KCNH5: variants seen among roughly 807,000 people sequenced by gnomAD.
The protein encoded by KCNH5 is voltage-gated delayed rectifier potassium channel KCNH5.
In KCNH5, 46 loss-of-function variants were observed where a neutral mutation model predicts 96.1. The observed-to-expected ratio is 0.48, with a 90% CI of 0.38 to 0.61. The LOEUF is 0.61. Among genes scored for constraint, KCNH5 ranks in the 20% least tolerant of loss-of-function variants. The probability of loss-of-function intolerance (pLI) is 0.00; values close to 1 mark genes in which losing one functional copy is unlikely to be tolerated. For missense variants in KCNH5, 907 were observed against 1,225.8 expected, an observed-to-expected ratio of 0.74 and a Z score of 3.88; for synonymous variants, 439 against 449.8, an observed-to-expected ratio of 0.98 and a Z score of 0.30.
At chr14:62,709,060 C>G (rs1012816373) in intron 10 of KCNH5, among the ~76,000 whole-genome samples, 5 of 150,958 alleles carry the variant, frequency 3.3e-5, no homozygotes, top group South Asian at 4.2e-4. Flanking sequence ...GGTGAAACCC[C>G]GTCTCTACTA....
chr14:62,951,431 G>A (rs1046365623), intron 6 of KCNH5, among the ~76,000 whole-genome samples: 2 of 152,138 alleles, frequency 1.3e-5, no homozygotes, highest in African/African-American at 4.8e-5. Flanking sequence ...AAAATAGGCA[G>A]GGAGGGAAAA....
At chr14:62,850,763 C>G (rs1311293885) in intron 7 of KCNH5, among the ~76,000 whole-genome samples, 1 of 152,144 alleles carries the variant, frequency 6.6e-6, no homozygotes, top group Admixed American at 6.6e-5. Flanking sequence ...CGCAACTTCC[C>G]TGCCCCTCTG....
At chr14:63,030,126 G>T (rs948534871) in intron 1 of KCNH5, among the ~76,000 whole-genome samples, 7 of 152,282 alleles carry the variant, frequency 4.6e-5, no homozygotes, top group African/African-American at 1.4e-4. Flanking sequence ...GTTCTGGTTT[G>T]TCCTCACAGC....
At position 62,981,065 on chromosome 14, in the gene KCNH5, A is replaced by G. The variant is rs1402952963; in HGVS notation, c.749T>C (p.Leu250Pro). The change falls in exon 6 of 11, where the codon CTG (leucine) becomes CCG (proline). Residue 250 changes from leucine to proline, a missense_variant. Physicochemically the swap from Leu to Pro is moderately conservative, Grantham distance 98 (BLOSUM62 -3). Transcript: ENST00000322893. ...TKQNNIAWLV[L>P]DSVVDVIFLV... is the part of the protein sequence containing the mutation. Reference sequence around the variant, plus strand: ...AAAAATAACGTCCACCACACTATCCAGTACCAGCCAGGCTATGTTGTTCTG... The same window carrying G: ...AAAAATAACGTCCACCACACTATCCGGTACCAGCCAGGCTATGTTGTTCTG... 1.2e-6 allele frequency: 2 copies of G among 1,614,114 alleles called. No individual in the cohort carries two copies. Among genetic ancestry groups the G allele is most frequent in the Admixed American group, 1.7e-5 (1 of 60,002 alleles).
intron 1 of KCNH5, among the ~76,000 whole-genome samples, chr14:63,043,003 G>C (rs1891854770): frequency 6.6e-6 from 1 of 152,080 alleles, no homozygotes. Context: ...ACTTGGTATT[G>C]TCCAGGAAAG....
At chr14:62,745,489 T>A (rs1885357411) in intron 10 of KCNH5, among the ~76,000 whole-genome samples, 1 of 152,156 alleles carries the variant, frequency 6.6e-6, no homozygotes, top group African/African-American at 2.4e-5. Flanking sequence ...TGTCAACAAG[T>A]ATAATATAGA....
intron 10 of KCNH5, among the ~76,000 whole-genome samples, chr14:62,771,226 T>C (rs181545749): frequency 2.2e-4 from 34 of 152,308 alleles, no homozygotes; most frequent in African/African-American, 7.9e-4. Context: ...GTCTATGGTA[T>C]TTTGTGATAG....
At chr14:62,847,291 G>C (rs974987592) in intron 8 of KCNH5, among the ~76,000 whole-genome samples, 2 of 151,652 alleles carry the variant, frequency 1.3e-5, no homozygotes, top group African/African-American at 4.8e-5. Flanking sequence ...CTCTTGTTTA[G>C]TATAGCATAT....
chr14:62,979,396 A>G (rs1346485939), intron 6 of KCNH5, among the ~76,000 whole-genome samples: 1 of 152,132 alleles, frequency 6.6e-6, no homozygotes. Flanking sequence ...TACATACACA[A>G]TATCAAAATA....
intron 6 of KCNH5, among the ~76,000 whole-genome samples, chr14:62,966,808 T>C (rs577316261): frequency 2.0e-5 from 3 of 152,340 alleles, no homozygotes; most frequent in South Asian, 2.1e-4. Context: ...ATCATATTCT[T>C]GAACTTTACC....
intron 7 of KCNH5, among the ~76,000 whole-genome samples, chr14:62,854,772 A>C (rs550615428): frequency 6.6e-6 from 1 of 151,962 alleles, no homozygotes; most frequent in South Asian, 2.1e-4. Flanking sequence ...TCTGGCATAC[A>C]TACCAGCAAA....
intron 8 of KCNH5, among the ~76,000 whole-genome samples, chr14:62,806,986 A>G (rs973378189): frequency 1.3e-5 from 2 of 152,156 alleles, no homozygotes; most frequent in Admixed American, 1.3e-4. Context: ...ATTGCTGGAA[A>G]AGATCCCTTT....
intron 2 of KCNH5, among the ~76,000 whole-genome samples, chr14:63,016,061 G>GA (rs56902534): frequency 0.056 from 7,886 of 140,920 alleles, 234 homozygotes; most frequent in East Asian, 0.084. Flanking sequence ...ATTTGGCCTA[G>GA]AAAAAAAAAA....
At chr14:62,999,788 C>T (rs1436493024) in intron 4 of KCNH5, among the ~76,000 whole-genome samples, 1 of 147,068 alleles carries the variant, frequency 6.8e-6, no homozygotes, top group Non-Finnish European at 1.5e-5. Context: ...GGGTGCAGCA[C>T]ACCAGAATGG....
At chr14:63,008,125 A>C (rs1891160044) in intron 2 of KCNH5, among the ~76,000 whole-genome samples, 1 of 152,154 alleles carries the variant, frequency 6.6e-6, no homozygotes, top group African/African-American at 2.4e-5. Context: ...GAAAGATCAA[A>C]AGTCTGTCTT....
At chr14:62,851,719 C>T (rs560511038) in intron 7 of KCNH5, among the ~76,000 whole-genome samples, 11 of 151,962 alleles carry the variant, frequency 7.2e-5, no homozygotes, top group South Asian at 4.2e-4. Context: ...GCTGCAATTA[C>T]GATTTTTAGT....
At chr14:62,824,608 ATTACT>A (rs1441825717) in intron 8 of KCNH5, among the ~76,000 whole-genome samples, 1 of 152,040 alleles carries the variant, frequency 6.6e-6, no homozygotes, top group African/African-American at 2.4e-5. Context: ...TTTTATGATT[ATTACT>A]TTATTCTTTT....
At chr14:62,796,189 A>G (rs1262403223) in intron 9 of KCNH5, among the ~76,000 whole-genome samples, 1 of 152,188 alleles carries the variant, frequency 6.6e-6, no homozygotes, top group Non-Finnish European at 1.5e-5. Flanking sequence ...TTGTGGTGGC[A>G]GCGAAACATT....
At chr14:62,879,051 G>A (rs1246101496) in intron 7 of KCNH5, among the ~76,000 whole-genome samples, 1 of 152,064 alleles carries the variant, frequency 6.6e-6, no homozygotes, top group Non-Finnish European at 1.5e-5. Context: ...TACAATACTA[G>A]TCAGCCCAAA....
Sources: allele counts gnomAD v4.1 joint callset (sites outside exome capture counted in the v4.1 genomes callset), GRCh38; gene constraint gnomAD v4.1.1; transcripts MANE v1.5; gene names NCBI Gene and HGNC (gene_info 2026-07-23, HGNC 2026-07-21).